Variants in PDZRN4 observed in about 807,000 individuals in gnomAD.
PDZRN4 encodes PDZ domain-containing RING finger protein 4.
PDZRN4 carries 70 observed loss-of-function variants against 99.0 expected under a neutral mutation model. The ratio of observed to expected loss-of-function variants is 0.71; its 90% CI spans 0.58 to 0.86. The LOEUF is 0.86. Among genes scored for constraint, PDZRN4 ranks in the 40% least tolerant of loss-of-function variants. The pLI is 0.00. For synonymous variants in PDZRN4, 551 were observed against 501.6 expected (o/e 1.10, Z -1.32); for missense variants, 1,474 against 1,331.2 (o/e 1.11, Z -1.67).
chr12:41,266,482 C>A (rs1221701147), intron 3 of PDZRN4, among the ~76,000 whole-genome samples: 1 of 152,104 alleles, frequency 6.6e-6, no homozygotes, highest in African/African-American at 2.4e-5. Flanking sequence ...GTCAGTGGTC[C>A]TCTGAGCAGT....
intron 3 of PDZRN4, among the ~76,000 whole-genome samples, chr12:41,203,131 G>A (rs561578834): frequency 1.3e-5 from 2 of 151,720 alleles, no homozygotes; most frequent in South Asian, 2.1e-4. Flanking sequence ...CTTTTGTTAC[G>A]GAAGGTTGAA....
At chr12:41,428,127 T>C (rs1028928949) in intron 3 of PDZRN4, among the ~76,000 whole-genome samples, 7 of 152,068 alleles carry the variant, frequency 4.6e-5, no homozygotes, top group African/African-American at 1.7e-4. Flanking sequence ...CTCGTCTCTT[T>C]ACTTCCTATC....
chr12:41,194,511 C>T (rs1488156934), intron 3 of PDZRN4, among the ~76,000 whole-genome samples: 2 of 152,086 alleles, frequency 1.3e-5, no homozygotes, highest in Middle Eastern at 3.2e-3. Context: ...CATGGTGGCA[C>T]ATACCTATGG....
chr12:41,227,617 A>G lies in PDZRN4; in HGVS notation c.843+33429A>G, dbSNP rs901304796. 4.6e-5 allele frequency among the ~76,000 whole-genome samples: 7 copies of G among 152,068 alleles called. 1 individual carries two copies. The highest frequency in any genetic ancestry group is 4.6e-4 in the Admixed American group (7 of 15,254). On this transcript the variant is annotated intron_variant, in intron 3 of 9. Coordinates refer to ENST00000402685, the MANE Select transcript of PDZRN4 (RefSeq NM_001164595.2). ...GAGGTGGAGGTTGCAGTGTGTTAAG[A>G]TCATGCCTTTGCACTCCATCCTTGA...
At chr12:41,244,717 G>A (rs913938223) in intron 3 of PDZRN4, among the ~76,000 whole-genome samples, 12 of 141,668 alleles carry the variant, frequency 8.5e-5, no homozygotes, top group Non-Finnish European at 1.2e-4. Flanking sequence ...TCGCTCTGTC[G>A]CCCAGGCCAG....
chr12:41,433,441 C>T (rs1000881254), intron 3 of PDZRN4, among the ~76,000 whole-genome samples: 1 of 152,192 alleles, frequency 6.6e-6, no homozygotes, highest in African/African-American at 2.4e-5. Context: ...AGGTATTTAA[C>T]TGCAGAAAAT....
chr12:41,314,440 C>T (rs1319354412), intron 3 of PDZRN4, among the ~76,000 whole-genome samples: 1 of 152,152 alleles, frequency 6.6e-6, no homozygotes, highest in African/African-American at 2.4e-5. Context: ...TTGAAAATTA[C>T]AATACACTGT....
At chr12:41,200,749 C>T (rs1431104) in intron 3 of PDZRN4, among the ~76,000 whole-genome samples, 96,186 of 151,942 alleles carry the variant, frequency 0.63, 30,615 homozygotes, top group South Asian at 0.68. Flanking sequence ...CTGGTTTTTG[C>T]CCTTCTTTTC....
intron 3 of PDZRN4, among the ~76,000 whole-genome samples, chr12:41,365,187 T>C (rs564567286): frequency 5.5e-4 from 84 of 152,214 alleles, no homozygotes; most frequent in African/African-American, 1.9e-3. Context: ...ATAAAAGATA[T>C]TGGGGATGGC....
chr12:41,346,616 A>G (rs188612946), intron 3 of PDZRN4, among the ~76,000 whole-genome samples: 7 of 152,312 alleles, frequency 4.6e-5, no homozygotes, highest in Admixed American at 1.3e-4. Flanking sequence ...AAATACAGAT[A>G]TATCAGTATT....
chr12:41,246,411 T>C (rs930391440), intron 3 of PDZRN4, among the ~76,000 whole-genome samples: 4 of 152,234 alleles, frequency 2.6e-5, no homozygotes, highest in African/African-American at 9.6e-5. Flanking sequence ...CAGATTATGC[T>C]GTGTGGATAG....
intron 3 of PDZRN4, among the ~76,000 whole-genome samples, chr12:41,255,737 T>C (rs1443653958): frequency 6.6e-6 from 1 of 152,202 alleles, no homozygotes; most frequent in Non-Finnish European, 1.5e-5. Context: ...CAGTATCTGC[T>C]TCTGGTGAGG....
chr12:41,480,880 T>C (rs1225113312), intron 3 of PDZRN4, among the ~76,000 whole-genome samples: 1 of 152,008 alleles, frequency 6.6e-6, no homozygotes, highest in Non-Finnish European at 1.5e-5. Context: ...TTTCAAAACA[T>C]GACTAAATCA....
chr12:41,228,118 T>C (rs1448517325), intron 3 of PDZRN4, among the ~76,000 whole-genome samples: 3 of 152,114 alleles, frequency 2.0e-5, no homozygotes, highest in African/African-American at 7.2e-5. Context: ...GGAAGTGATA[T>C]GGAGCCATAA....
chr12:41,378,520 A>ATTTTTTTTTTTTTTTT lies in PDZRN4; in HGVS notation c.844-127932_844-127917dup, dbSNP rs71081733. 1.3e-3 allele frequency among the ~76,000 whole-genome samples: 134 copies of ATTTTTTTTTTTTTTTT among 102,818 alleles called. 8 individuals carry two copies. Among genetic ancestry groups the ATTTTTTTTTTTTTTTT allele is most frequent in the African/African-American group, 4.4e-3 (117 of 26,742 alleles). 67.5% of individuals were successfully genotyped at this position (102,818 alleles called of 152,430 possible). ...TTTGGAAGTGCTCCTTCTGTCTTCAATTTTTTTTTTTTTTTTTTTGAGACA... is the reference window on the plus strand; with the variant it reads ...TTTGGAAGTGCTCCTTCTGTCTTCAATTTTTTTTTTTTTTTTTTTTTTTTTTTTTTTTTTTGAGACA... On this transcript the variant is annotated intron_variant, in intron 3 of 9. Coordinates refer to ENST00000402685, the MANE Select transcript of PDZRN4 (RefSeq NM_001164595.2).
intron 3 of PDZRN4, among the ~76,000 whole-genome samples, chr12:41,444,199 G>A (rs1952704182): frequency 6.6e-6 from 1 of 152,144 alleles, no homozygotes; most frequent in Non-Finnish European, 1.5e-5. Flanking sequence ...TGCTCCAGCT[G>A]CTGGGCGTGC....
intron 3 of PDZRN4, among the ~76,000 whole-genome samples, chr12:41,215,379 C>T (rs1950913674): frequency 1.3e-5 from 2 of 151,924 alleles, no homozygotes. Context: ...CAATCCCAGA[C>T]CTAGTGAAAT....
At position 41,423,188 on chromosome 12, in the gene PDZRN4, C is replaced by T. The variant is rs375393076; in HGVS notation, c.844-83268C>T. ...TACTTTAAGTTCTGGAGCACATGTG[C>T]AGAACATGCAGGTTTGTTACATGGG... On this transcript the variant is annotated intron_variant, in intron 3 of 9. Transcript: ENST00000402685. Among the ~76,000 whole-genome samples the T allele has an allele frequency of 5.7e-4, 87 of 152,054 alleles. No homozygotes were observed. The South Asian group carries it at 0.012, about 22-fold the overall frequency.
intron 3 of PDZRN4, among the ~76,000 whole-genome samples, chr12:41,436,928 G>C (rs1483750871): frequency 6.6e-6 from 1 of 152,000 alleles, no homozygotes; most frequent in Non-Finnish European, 1.5e-5. Flanking sequence ...AATAAAATTA[G>C]CATAAATACT....
Sources: gnomAD v4.1 joint callset for allele counts (sites outside exome capture counted in the v4.1 genomes callset) on GRCh38, gnomAD v4.1.1 for gene constraint, MANE v1.5 for transcripts, NCBI Gene and HGNC (gene_info 2026-07-23, HGNC 2026-07-21) for gene names.